The following RNF213 variants were observed in gnomAD, a reference collection of about 807,000 sequenced individuals.
The protein encoded by RNF213 is ring finger protein 213, also known as E3 ubiquitin-protein ligase RNF213.
RNF213 carries 341 observed loss-of-function variants against 514.4 expected under a neutral mutation model. The observed-to-expected ratio is 0.66, with a 90% CI of 0.61 to 0.73. RNF213 has a LOEUF of 0.73. Ranked by LOEUF, RNF213 falls within the 30% of genes least tolerant of loss-of-function variation. The probability of loss-of-function intolerance (pLI) is 0.00; values close to 1 mark genes in which losing one functional copy is unlikely to be tolerated. For missense variants in RNF213, 5,767 were observed against 6,615.6 expected, an observed-to-expected ratio of 0.87 and a Z score of 4.45; for synonymous variants, 2,655 against 2,658.2, an observed-to-expected ratio of 1.00 and a Z score of 0.04.
At chr17:80,389,657 G>A (rs1470544908) in intron 65 of RNF213, among the ~76,000 whole-genome samples, 171 bp from the exon 66 acceptor site, 1 of 152,232 alleles carries the variant, frequency 6.6e-6, no homozygotes, top group Non-Finnish European at 1.5e-5. Flanking sequence ...GCCGCAGGAG[G>A]GAACTGGTAG....
chr17:80,313,355 C>T (rs141601980), intron 15 of RNF213, among the ~76,000 whole-genome samples, 188 bp downstream of exon 15: 50 of 152,308 alleles, frequency 3.3e-4, no homozygotes, highest in South Asian at 2.5e-3. Flanking sequence ...AGACAGATGC[C>T]GGGTGCAAAG....
chr17:80,343,836 C>G lies in RNF213; in HGVS notation c.6184-21C>G. ...TCGCCATCGTGTCGTGTGTTTACAC[C>G]TCGTGCGATTCTGTTCTTAGGTGCA... On this transcript the variant is annotated intron_variant, in intron 27 of 67. Transcript: ENST00000582970. The surrounding 1 kb of genome is among the most constrained non-coding windows in gnomAD (Gnocchi z 4.3). The G allele has an allele frequency of 6.2e-7, 1 of 1,613,966 alleles. No individual in the cohort carries two copies. The highest frequency in any genetic ancestry group is 1.3e-5 in the African/African-American group (1 of 75,010).
At chr17:80,363,013 TG>T in intron 39 of RNF213, 88 bp from the exon 40 acceptor site, 1 of 1,247,156 alleles carries the variant, frequency 8.0e-7, no homozygotes, top group Non-Finnish European at 1.1e-6. Flanking sequence ...TCCTCTTTTA[TG>T]GTTTTCCAAT....
chr17:80,321,921 T>A (rs915744016), intron 17 of RNF213, among the ~76,000 whole-genome samples: 3 of 151,634 alleles, frequency 2.0e-5, no homozygotes, highest in Non-Finnish European at 4.4e-5. Flanking sequence ...AGACGGGGTT[T>A]TGCCGTGTGG....
chr17:80,294,786 A>G lies in RNF213; in HGVS notation c.1538A>G (p.His513Arg). The change falls in exon 9 of 68, where the codon CAC (histidine) becomes CGC (arginine). Residue 513 changes from histidine to arginine, a missense_variant. Around this residue, in one of 13 missense-constraint regions of RNF213, gnomAD observed 592 missense variants for 673.9 expected, o/e 0.88. Transcript: ENST00000582970. Reference sequence around the variant, plus strand: ...GGGAGACTCCAGAAAGTCATGAACCACATCACAGACGGGCCGAGGAAGGAC... The same window carrying G: ...GGGAGACTCCAGAAAGTCATGAACCGCATCACAGACGGGCCGAGGAAGGAC... ...PHGRLQKVMN[H>R]ITDGPRKDLV... 4.3e-6 allele frequency: 7 copies of G among 1,614,176 alleles called. No individual in the cohort carries two copies. Among genetic ancestry groups the G allele is most frequent in the Non-Finnish European group, 5.9e-6 (7 of 1,180,044 alleles).
At chr17:80,330,301 A>G (rs1568080086) in intron 20 of RNF213, among the ~76,000 whole-genome samples, 1 of 151,932 alleles carries the variant, frequency 6.6e-6, no homozygotes, top group Non-Finnish European at 1.5e-5. Context: ...TTTTCCTCCT[A>G]TGTCTGGACA....
chr17:80,358,270 C>G lies in RNF213; in HGVS notation c.10863-18C>G. The G allele has an allele frequency of 6.2e-7, 1 of 1,613,250 alleles. No individual in the cohort carries two copies. Among genetic ancestry groups the G allele is most frequent in the Non-Finnish European group, 8.5e-7 (1 of 1,179,604 alleles). On this transcript the variant is annotated intron_variant, in intron 36 of 67. Transcript: ENST00000582970. ...GTTCCTCTGACCCGTGGTGGCCCAT[C>G]TCTCTTCTGTGCTGCAGGCACACCC...
intron 17 of RNF213, 92 bp from the exon 18 acceptor site, chr17:80,324,938 A>T: frequency 8.2e-7 from 1 of 1,222,420 alleles, no homozygotes; most frequent in Non-Finnish European, 1.2e-6. Flanking sequence ...TAGATTTCAG[A>T]AATGCTATCG....
chr17:80,342,536 T>TCTC (rs1568097492), intron 26 of RNF213, among the ~76,000 whole-genome samples: 6 of 146,956 alleles, frequency 4.1e-5, no homozygotes, highest in African/African-American at 1.3e-4. Context: ...GACTTAATTT[T>TCTC]TCTCTCTCTC....
At chr17:80,314,022 A>G (rs202004102) in intron 15 of RNF213, among the ~76,000 whole-genome samples, 3 of 46,946 alleles carry the variant, frequency 6.4e-5, no homozygotes, top group Non-Finnish European at 1.1e-4. Flanking sequence ...AATGGAGGTG[A>G]TGGTGGTGGT....
At chr17:80,314,265 A>AGGTGT (rs2045743928) in intron 15 of RNF213, among the ~76,000 whole-genome samples, 9 of 48,460 alleles carry the variant, frequency 1.9e-4, no homozygotes, top group African/African-American at 1.2e-3. Flanking sequence ...GATGGTGGTA[A>AGGTGT]AGGTGATGGT....
intron 11 of RNF213, among the ~76,000 whole-genome samples, chr17:80,302,209 C>A (rs1419582549): frequency 6.6e-6 from 1 of 152,080 alleles, no homozygotes; most frequent in Non-Finnish European, 1.5e-5. Context: ...TTCTAGGGTC[C>A]TAGAGCAGTA....
chr17:80,340,628 T>TTG, intron 26 of RNF213: 1 of 420,296 alleles, frequency 2.4e-6, no homozygotes, highest in South Asian at 2.7e-5. Flanking sequence ...TTTTTTTTTT[T>TTG]TTTTTTTTTT....
At chr17:80,281,608 C>G (rs1352253407) in intron 3 of RNF213, among the ~76,000 whole-genome samples, 1 of 132,606 alleles carries the variant, frequency 7.5e-6, no homozygotes, top group Admixed American at 7.7e-5. Flanking sequence ...ACACAGCCAA[C>G]TCACACCACT....
At position 80,346,856 on chromosome 17, in the gene RNF213, G is replaced by A. The variant is rs1295870432; in HGVS notation, c.8521G>A (p.Val2841Met). ...GGACCTGCAGCAGTACGTCTCTGTGGTGGTGTTAGATGAGGTGGGGCTGGC... is the reference window on the plus strand; with the variant it reads ...GGACCTGCAGCAGTACGTCTCTGTGATGGTGTTAGATGAGGTGGGGCTGGC... ...GKDLQQYVSV[V>M]VLDEVGLAED... The change falls in exon 29 of 68, where the codon GTG (valine) becomes ATG (methionine). Residue 2841 changes from valine to methionine, a missense_variant. Physicochemically the swap from Val to Met is conservative, Grantham distance 21. Coordinates refer to ENST00000582970, the MANE Select transcript of RNF213 (RefSeq NM_001256071.3). This position sits in a 1 kb window ranked among gnomAD's most constrained non-coding sequence, Gnocchi z 8.1. 19 of 1,614,150 alleles carry A rather than the reference G, an allele frequency of 1.2e-5. No homozygotes were observed. The highest frequency in any genetic ancestry group is 1.6e-5 in the Non-Finnish European group (19 of 1,179,998).
At chr17:80,355,207 C>T (rs974964790) in intron 36 of RNF213, 25 of 455,906 alleles carry the variant, frequency 5.5e-5, no homozygotes, top group African/African-American at 4.6e-4. Context: ...TAAAAGACAG[C>T]GGACTCCTCC....
At chr17:80,387,309 G>A (rs932319689) in intron 63 of RNF213, among the ~76,000 whole-genome samples, 16 of 152,304 alleles carry the variant, frequency 1.1e-4, no homozygotes, top group South Asian at 4.1e-4. Flanking sequence ...GCTTCACCAC[G>A]TTGCCCGGCT....
intron 10 of RNF213, among the ~76,000 whole-genome samples, chr17:80,296,345 G>T (rs1007841505): frequency 6.6e-6 from 1 of 152,150 alleles, no homozygotes; most frequent in Non-Finnish European, 1.5e-5. Flanking sequence ...TTGAAGCTTC[G>T]TGTGGTATCA....
At chr17:80,380,770 A>G (rs952922684) in intron 55 of RNF213, 61 bp from the exon 56 acceptor site, 9 of 1,598,586 alleles carry the variant, frequency 5.6e-6, no homozygotes, top group Admixed American at 3.3e-5. Context: ...GTGCTGAGAA[A>G]GTGCAGCGTG....
Sources: gnomAD v4.1 joint callset for allele counts (sites outside exome capture counted in the v4.1 genomes callset) on GRCh38, gnomAD v4.1.1 for gene constraint, gnomAD v4.1.1 regional missense constraint, Gnocchi (gnomAD v3.1) non-coding constraint, MANE v1.5 for transcripts, NCBI Gene and HGNC (gene_info 2026-07-23, HGNC 2026-07-21) for gene names.